Variants in SYK observed in about 807,000 individuals in gnomAD.
SYK encodes tyrosine-protein kinase SYK.
SYK carries 16 observed loss-of-function variants against 77.8 expected under a neutral mutation model. That is an observed-to-expected ratio of 0.21 (90% CI 0.14 to 0.31). SYK has a LOEUF of 0.31. SYK is among the 10% of genes least tolerant of loss of function. SYK has a pLI of 1.00. For synonymous variants in SYK, 312 were observed against 308.7 expected, an observed-to-expected ratio of 1.01 and a Z score of -0.11; for missense variants, 529 against 814.4, an observed-to-expected ratio of 0.65 and a Z score of 4.26.
At chr9:90,881,623 T>C (rs188232641) in intron 11 of SYK, among the ~76,000 whole-genome samples, 627 of 137,008 alleles carry the variant, frequency 4.6e-3, no homozygotes, top group Middle Eastern at 0.017. Context: ...GAGGTTGCAG[T>C]GAGCTGAGAT....
chr9:90,869,278 A>C (rs577912365), intron 7 of SYK, among the ~76,000 whole-genome samples: 118 of 148,992 alleles, frequency 7.9e-4, no homozygotes, highest in African/African-American at 2.9e-3. Flanking sequence ...CCTTTCTGGC[A>C]AAAAAAAAAG....
intron 1 of SYK, among the ~76,000 whole-genome samples, chr9:90,843,371 G>T (rs934197897): frequency 1.3e-5 from 2 of 152,178 alleles, no homozygotes; most frequent in Non-Finnish European, 2.9e-5. Flanking sequence ...AGCTCAGGTG[G>T]GTGAGGTGGT....
chr9:90,866,301 AAT>A (rs1413850920), intron 6 of SYK, among the ~76,000 whole-genome samples: 1 of 152,226 alleles, frequency 6.6e-6, no homozygotes, highest in Non-Finnish European at 1.5e-5. Flanking sequence ...CAGAAAGCCA[AAT>A]ATACATCCTG....
intron 8 of SYK, 46 bp from the exon 9 acceptor site, chr9:90,874,626 G>T (rs543443047): frequency 1.3e-6 from 2 of 1,570,546 alleles, no homozygotes; most frequent in Admixed American, 3.7e-5. Context: ...ATGAATCCTG[G>T]TGTGGGGTCC....
intron 3 of SYK, among the ~76,000 whole-genome samples, chr9:90,853,074 T>C (rs1158152423): frequency 6.6e-6 from 1 of 151,820 alleles, no homozygotes; most frequent in African/African-American, 2.4e-5. Context: ...GCTGTTGCCT[T>C]CACGAGTGCA....
chr9:90,874,963 C>A, intron 9 of SYK, 114 bp downstream of exon 9: 1 of 1,239,578 alleles, frequency 8.1e-7, no homozygotes, highest in Non-Finnish European at 1.1e-6. Flanking sequence ...TTAATGCTAC[C>A]ATTCTTGTTA....
At chr9:90,825,311 G>C (rs80176170) in intron 1 of SYK, among the ~76,000 whole-genome samples, 3,958 of 152,268 alleles carry the variant, frequency 0.026, 191 homozygotes, top group African/African-American at 0.09. Context: ...TTGATCTGTA[G>C]ATTCAACCCA....
chr9:90,865,960 G>A (rs540679917), intron 6 of SYK, among the ~76,000 whole-genome samples: 348 of 139,140 alleles, frequency 2.5e-3, no homozygotes, highest in Non-Finnish European at 4.0e-3. Flanking sequence ...GTGCAGTGGC[G>A]CGATCTCAGC....
intron 1 of SYK, among the ~76,000 whole-genome samples, chr9:90,836,602 T>A (rs1826096112): frequency 6.6e-6 from 1 of 152,232 alleles, no homozygotes; most frequent in South Asian, 2.1e-4. Context: ...CCTAAATCAC[T>A]GTGTGATGCT....
rs1829009340 is a variant in SYK, at chr9:90,896,896, A to G, written c.*1296A>G. 2 of 196,204 alleles carry G rather than the reference A, an allele frequency of 1.0e-5. No homozygotes were observed. The highest frequency in any genetic ancestry group is 2.3e-5 in the African/African-American group (1 of 43,290). 12.2% of individuals were successfully genotyped at this position (196,204 alleles called of 1,614,324 possible). On this transcript the variant is annotated 3_prime_UTR_variant, in exon 14 of 14. Transcript: ENST00000375754. Reference sequence around the variant, plus strand: ...ACAAAAATTAGCCGGGCATGGTGGCATGTGTCTGTAGTCCCAGCTACTCGG... The same window carrying G: ...ACAAAAATTAGCCGGGCATGGTGGCGTGTGTCTGTAGTCCCAGCTACTCGG...
intron 6 of SYK, 133 bp downstream of exon 6, chr9:90,865,230 G>T: frequency 1.1e-6 from 1 of 873,734 alleles, no homozygotes. Context: ...GTGATGAGCT[G>T]GGATTGCTAG....
chr9:90,854,240 G>A (rs1159766771), intron 3 of SYK, among the ~76,000 whole-genome samples: 3 of 152,218 alleles, frequency 2.0e-5, no homozygotes, highest in Non-Finnish European at 4.4e-5. Flanking sequence ...CTGCTCAGCT[G>A]CCCCGAGTGT....
intron 3 of SYK, 23 bp from the exon 4 acceptor site, chr9:90,862,183 T>C: frequency 6.3e-7 from 1 of 1,589,536 alleles, no homozygotes; most frequent in South Asian, 1.1e-5. Flanking sequence ...CTGGGGATGA[T>C]GCAGTTCCAT....
rs750317856 is a variant in SYK, at chr9:90,877,572, G to A, written c.1183G>A (p.Val395Ile). Residue 395 changes from valine to isoleucine, a missense_variant and splice_region_variant, in exon 10 of 14, where the codon GTT (valine) becomes ATT (isoleucine). Transcript: ENST00000375754. ...VKKGYYQMKK[V>I]VKTVAVKILK... ...TGTGTGTTATGATTTCTCTTGCAGA[G>A]TTGTGAAAACCGTGGCTGTGAAAAT... 3.1e-6 allele frequency: 5 copies of A among 1,614,128 alleles called. No individual in the cohort carries two copies. Among genetic ancestry groups the A allele is most frequent in the Middle Eastern group, 1.6e-4 (1 of 6,062 alleles).
At chr9:90,863,062 G>A (rs371542942) in intron 4 of SYK, among the ~76,000 whole-genome samples, 8 of 152,278 alleles carry the variant, frequency 5.3e-5, no homozygotes, top group African/African-American at 1.7e-4. Context: ...AGTTCCTTAG[G>A]CACTAATGAG....
intron 3 of SYK, among the ~76,000 whole-genome samples, chr9:90,846,985 A>T (rs532484937): frequency 6.6e-6 from 1 of 152,254 alleles, no homozygotes; most frequent in Non-Finnish European, 1.5e-5. Context: ...AGGCTGGCCA[A>T]CTTCTGCTGG....
rs779858341 is a variant in SYK, at chr9:90,877,582, C to A, written c.1193C>A (p.Thr398Asn). 1.8e-5 allele frequency: 29 copies of A among 1,614,122 alleles called. No individual in the cohort carries two copies. The highest frequency in any genetic ancestry group is 5.0e-5 in the Admixed American group (3 of 60,016). Residue 398 changes from threonine (T) to asparagine (N), a missense_variant, in exon 10 of 14, where the codon ACC (threonine) becomes AAC (asparagine). Physicochemically the swap from Thr to Asn is moderately conservative, Grantham distance 65 (BLOSUM62 0). This residue lies in a region of SYK where 208 missense variants were observed against 381.3 expected (regional missense o/e 0.55). Coordinates refer to ENST00000375754, the MANE Select transcript of SYK (RefSeq NM_003177.7). ...GYYQMKKVVKTVAVKILKNEA... is the reference protein window; with the variant it reads ...GYYQMKKVVKNVAVKILKNEA... ...GATTTCTCTTGCAGAGTTGTGAAAA[C>A]CGTGGCTGTGAAAATACTGAAAAAC...
At chr9:90,838,069 G>A (rs1408499474) in intron 1 of SYK, among the ~76,000 whole-genome samples, 3 of 152,222 alleles carry the variant, frequency 2.0e-5, no homozygotes, top group African/African-American at 7.2e-5. Flanking sequence ...ATTTGCTGAG[G>A]GAGTGGCAGG....
intron 3 of SYK, among the ~76,000 whole-genome samples, chr9:90,848,838 C>T (rs958558199): frequency 9.2e-5 from 14 of 152,196 alleles, no homozygotes; most frequent in Admixed American, 7.9e-4. Context: ...TAAGTAAGGG[C>T]GTAGAGCACA....
Sources: gnomAD v4.1 joint callset for allele counts (sites outside exome capture counted in the v4.1 genomes callset) on GRCh38, gnomAD v4.1.1 for gene constraint, gnomAD v4.1.1 regional missense constraint, MANE v1.5 for transcripts, NCBI Gene and HGNC (gene_info 2026-07-23, HGNC 2026-07-21) for gene names.